Variants in HTR2C observed in about 807,000 individuals in gnomAD.
The protein encoded by HTR2C is 5-hydroxytryptamine (serotonin) receptor 2C, G protein-coupled.
Under a neutral mutation model 21.0 loss-of-function variants are expected in HTR2C, and 5 were observed. That is an observed-to-expected ratio of 0.24 (90% CI 0.12 to 0.50). The LOEUF is 0.50. HTR2C is among the 20% of genes least tolerant of loss of function. The pLI is 0.98. For missense variants in HTR2C, 271 were observed against 371.2 expected (o/e 0.73, Z 2.22); for synonymous variants, 150 against 145.3 (o/e 1.03, Z -0.23).
intron 4 of HTR2C, among the ~76,000 whole-genome samples, chrX:114,735,510 T>C (rs893158551): frequency 1.3e-4 from 14 of 110,705 alleles, no homozygotes; most frequent in Non-Finnish European, 2.3e-4. Context: ...TGTCATATAA[T>C]ATATATTATG....
chrX:114,606,757 A>G (rs1248131958), intron 1 of HTR2C, among the ~76,000 whole-genome samples: 6 of 111,811 alleles, frequency 5.4e-5, no homozygotes, highest in African/African-American at 2.0e-4. Context: ...TTGATCTCCC[A>G]AGGGAGGTAC....
At chrX:114,662,519 C>A (rs1931027308) in intron 2 of HTR2C, among the ~76,000 whole-genome samples, 1 of 111,530 alleles carries the variant, frequency 9.0e-6, no homozygotes, top group Non-Finnish European at 1.9e-5. Context: ...TATAATCAAG[C>A]CTTAAGATGA....
intron 1 of HTR2C, among the ~76,000 whole-genome samples, chrX:114,604,661 A>G (rs1438615826): frequency 9.0e-6 from 1 of 111,070 alleles, no homozygotes. Context: ...TGAGTTAAAC[A>G]GTCCGATTTT....
chrX:114,755,052 C>A (rs1392701449), intron 4 of HTR2C, among the ~76,000 whole-genome samples: 3 of 110,260 alleles, frequency 2.7e-5, no homozygotes, highest in Non-Finnish European at 5.7e-5. Context: ...CCAGCCTGGC[C>A]AACATGGTGA....
chrX:114,652,254 C>G (rs1930604081), intron 2 of HTR2C, among the ~76,000 whole-genome samples: 3 of 111,220 alleles, frequency 2.7e-5, no homozygotes, highest in Non-Finnish European at 5.7e-5. Flanking sequence ...CATATAATTC[C>G]AAGTATAAAA....
intron 5 of HTR2C, 35 bp downstream of exon 5, chrX:114,848,238 G>A (rs76640948): frequency 2.1e-5 from 22 of 1,026,035 alleles, no homozygotes; most frequent in Non-Finnish European, 2.4e-5. Context: ...GAATTGCAGC[G>A]GCTATGCTCA....
At chrX:114,878,071 A>G (rs1424734360) in intron 5 of HTR2C, among the ~76,000 whole-genome samples, 3 of 110,516 alleles carry the variant, frequency 2.7e-5, no homozygotes, top group Non-Finnish European at 5.7e-5. Context: ...CTTCTATTTA[A>G]TACTATTATT....
intron 2 of HTR2C, among the ~76,000 whole-genome samples, chrX:114,661,056 G>A (rs1452836230): frequency 1.8e-5 from 2 of 112,457 alleles, no homozygotes; most frequent in Non-Finnish European, 3.8e-5. Context: ...GCTAACTCAT[G>A]TCTCCCTAAC....
intron 4 of HTR2C, chrX:114,774,965 C>A (rs2070042075): frequency 1.9e-6 from 1 of 513,069 alleles, no homozygotes; most frequent in East Asian, 3.5e-5. Flanking sequence ...AGATTGCAGA[C>A]TTTCTCCAGC....
intron 5 of HTR2C, among the ~76,000 whole-genome samples, chrX:114,852,793 CCTTT>C (rs2070929486): frequency 1.0e-5 from 1 of 98,507 alleles, no homozygotes; most frequent in Non-Finnish European, 2.1e-5. Flanking sequence ...GTGTGTGTGT[CCTTT>C]GTGTGTGCGT....
intron 1 of HTR2C, among the ~76,000 whole-genome samples, chrX:114,598,236 G>A (rs1341101604): frequency 3.6e-5 from 4 of 111,786 alleles, no homozygotes; most frequent in Non-Finnish European, 5.6e-5. Flanking sequence ...GAGAGGAAGT[G>A]TAAATTTGGA....
chrX:114,694,490 TATAC>T (rs1932212203), intron 2 of HTR2C, among the ~76,000 whole-genome samples: 1 of 92,600 alleles, frequency 1.1e-5, no homozygotes, highest in African/African-American at 4.8e-5. Context: ...TATATATATA[TATAC>T]ACACACAGAT....
intron 2 of HTR2C, among the ~76,000 whole-genome samples, chrX:114,706,473 C>G (rs1461041263): frequency 2.0e-5 from 2 of 101,664 alleles, no homozygotes; most frequent in Non-Finnish European, 4.0e-5. Context: ...AAACCAAACA[C>G]CGCATGTTCT....
In HTR2C at chrX:114,683,882, C is replaced by T. The variant is rs184079484; in HGVS notation, c.-79-42976C>T. On this transcript the variant is annotated intron_variant, in intron 2 of 5. Coordinates refer to ENST00000276198, the MANE Select transcript of HTR2C (RefSeq NM_000868.4). ...CCTAGTAAAAGAATGACTCTCTGTT[C>T]AAAATGCTTGACTTCTGAGAATTAT... Among the ~76,000 whole-genome samples the T allele has an allele frequency of 3.5e-3, 387 of 111,860 alleles. 1 individual carries two copies. Among genetic ancestry groups the T allele is most frequent in the African/African-American group, 0.011 (353 of 30,891 alleles).
chrX:114,623,908 T>TG (rs1411392314), intron 2 of HTR2C, among the ~76,000 whole-genome samples: 41 of 85,978 alleles, frequency 4.8e-4, no homozygotes, highest in South Asian at 1.1e-3. Flanking sequence ...TTGTTGTTGT[T>TG]TTTTTTTTTT....
intron 1 of HTR2C, among the ~76,000 whole-genome samples, chrX:114,608,822 A>G (rs781788916): frequency 1.9e-3 from 207 of 111,369 alleles, no homozygotes; most frequent in Non-Finnish European, 2.1e-3. Context: ...CATTTCTTTC[A>G]TTTTTTTTCC....
intron 2 of HTR2C, among the ~76,000 whole-genome samples, chrX:114,679,925 A>T (rs1931690902): frequency 1.8e-5 from 2 of 111,947 alleles, no homozygotes; most frequent in South Asian, 7.4e-4. Flanking sequence ...CTAATGTGTA[A>T]CTCATACTAA....
At chrX:114,724,982 C>G (rs1442779768) in intron 2 of HTR2C, among the ~76,000 whole-genome samples, 13 of 110,459 alleles carry the variant, frequency 1.2e-4, no homozygotes, top group African/African-American at 3.9e-4. Context: ...GTGAATCTGA[C>G]AAGTGTGTGT....
At chrX:114,816,531 G>A (rs2070587280) in intron 4 of HTR2C, among the ~76,000 whole-genome samples, 1 of 110,389 alleles carries the variant, frequency 9.1e-6, no homozygotes, top group South Asian at 3.8e-4. Context: ...ATATGGTACT[G>A]CAGTAGGTTA....
Sources: gnomAD v4.1 joint callset for allele counts (sites outside exome capture counted in the v4.1 genomes callset) on GRCh38, gnomAD v4.1.1 for gene constraint, MANE v1.5 for transcripts, NCBI Gene and HGNC (gene_info 2026-07-23, HGNC 2026-07-21) for gene names.